Variants in ESRRG observed in about 807,000 individuals in gnomAD.
The protein encoded by ESRRG is estrogen related receptor gamma, also known as estrogen-related receptor gamma.
Under a neutral mutation model 44.0 loss-of-function variants are expected in ESRRG, and 13 were observed. The observed-to-expected ratio is 0.30, with a 90% CI of 0.19 to 0.47. The LOEUF (loss-of-function observed/expected upper bound fraction) is 0.47. ESRRG is among the 20% of genes least tolerant of loss of function. The pLI is 1.00. For missense variants in ESRRG, 395 were observed against 580.6 expected, an observed-to-expected ratio of 0.68 and a Z score of 3.29; for synonymous variants, 215 against 214.6, an observed-to-expected ratio of 1.00 and a Z score of -0.02.
At chr1:216,912,629 CCTA>C (rs1257135283) in intron 2 of ESRRG, among the ~76,000 whole-genome samples, 1 of 152,002 alleles carries the variant, frequency 6.6e-6, no homozygotes, top group African/African-American at 2.4e-5. Context: ...TAAATAAGCA[CCTA>C]CTACATGTTC....
intron 2 of ESRRG, among the ~76,000 whole-genome samples, chr1:216,786,590 A>T (rs1559634494): frequency 6.6e-6 from 1 of 152,150 alleles, no homozygotes; most frequent in Non-Finnish European, 1.5e-5. Context: ...AGCATCAATA[A>T]AGCCACATAT....
intron 2 of ESRRG, among the ~76,000 whole-genome samples, chr1:216,817,513 G>A (rs899218524): frequency 1.3e-5 from 2 of 152,100 alleles, no homozygotes; most frequent in African/African-American, 4.8e-5. Flanking sequence ...TATTATGTGG[G>A]CTGTGTGGAC....
intron 3 of ESRRG, among the ~76,000 whole-genome samples, chr1:216,586,153 T>C (rs770105460): frequency 6.6e-6 from 1 of 152,234 alleles, no homozygotes; most frequent in Non-Finnish European, 1.5e-5. Flanking sequence ...ACCAGAGTAA[T>C]GATTCTGTAA....
At chr1:216,785,360 G>T (rs1049621612) in intron 2 of ESRRG, among the ~76,000 whole-genome samples, 1 of 151,968 alleles carries the variant, frequency 6.6e-6, no homozygotes, top group African/African-American at 2.4e-5. Flanking sequence ...AGCTGAGCAG[G>T]GTGTAGGAAT....
intron 3 of ESRRG, among the ~76,000 whole-genome samples, chr1:216,632,833 C>A (rs775891884): frequency 6.6e-6 from 1 of 151,860 alleles, no homozygotes; most frequent in Non-Finnish European, 1.5e-5. Context: ...TGAGAATCAG[C>A]AATAAATTTG....
chr1:216,666,249 A>AT (rs2073894316), intron 2 of ESRRG, among the ~76,000 whole-genome samples: 1 of 152,268 alleles, frequency 6.6e-6, no homozygotes, highest in East Asian at 1.9e-4. Context: ...CTCATCATTC[A>AT]TTTTTTGTTT....
chr1:216,762,178 C>G (rs964134537), intron 2 of ESRRG, among the ~76,000 whole-genome samples: 3 of 151,978 alleles, frequency 2.0e-5, no homozygotes, highest in Non-Finnish European at 4.4e-5. Context: ...CTAGAAATAC[C>G]ATTTGACCCA....
chr1:216,549,510 A>G (rs1024027372), intron 5 of ESRRG, among the ~76,000 whole-genome samples: 9 of 152,086 alleles, frequency 5.9e-5, no homozygotes, highest in African/African-American at 1.9e-4. Context: ...TTGCCAGGAG[A>G]GCATAATTAG....
intron 2 of ESRRG, among the ~76,000 whole-genome samples, chr1:216,897,349 G>A (rs1427191027): frequency 2.6e-5 from 4 of 152,166 alleles, no homozygotes; most frequent in African/African-American, 9.7e-5. Context: ...ACCTTGTGAA[G>A]TGTTTAAGAT....
chr1:216,771,430 G>C (rs17043767), intron 2 of ESRRG, among the ~76,000 whole-genome samples: 1 of 151,950 alleles, frequency 6.6e-6, no homozygotes, highest in African/African-American at 2.4e-5. Flanking sequence ...AAAATATGTA[G>C]AACAAGGAAG....
intron 3 of ESRRG, among the ~76,000 whole-genome samples, chr1:216,614,783 C>T (rs1302199503): frequency 1.3e-5 from 2 of 152,208 alleles, no homozygotes; most frequent in East Asian, 1.9e-4. Context: ...ATATTTATAC[C>T]GCATTTTCTG....
chr1:216,558,781 C>G (rs1457348628), intron 5 of ESRRG, among the ~76,000 whole-genome samples: 1 of 152,110 alleles, frequency 6.6e-6, no homozygotes, highest in African/African-American at 2.4e-5. Flanking sequence ...ATCACAACTA[C>G]AGGTATACAG....
chr1:217,062,007 A>G (rs11572401), intron 1 of ESRRG, among the ~76,000 whole-genome samples: 547 of 152,276 alleles, frequency 3.6e-3, no homozygotes, highest in Admixed American at 8.4e-3. Context: ...TCTAGTTAAA[A>G]TCAAGCATTC....
intron 1 of ESRRG, among the ~76,000 whole-genome samples, chr1:216,999,939 T>A (rs1293473756): frequency 1.3e-5 from 2 of 152,186 alleles, no homozygotes; most frequent in African/African-American, 4.8e-5. Context: ...TCTGTTCCAA[T>A]TCTCAAACAG....
intron 2 of ESRRG, among the ~76,000 whole-genome samples, chr1:216,912,182 AAAG>A (rs1323289117): frequency 0.031 from 498 of 16,056 alleles, 52 homozygotes; most frequent in East Asian, 0.079. Flanking sequence ...AAAGAAAAGA[AAAG>A]GAGAGGAGAG....
intron 6 of ESRRG, among the ~76,000 whole-genome samples, chr1:216,508,138 A>G (rs1055266417): frequency 3.3e-5 from 5 of 152,220 alleles, no homozygotes; most frequent in South Asian, 4.1e-4. Flanking sequence ...TCTAAGATAT[A>G]TGTAGTTAGC....
At chr1:216,510,610 G>A (rs1044679811) in intron 6 of ESRRG, among the ~76,000 whole-genome samples, 1 of 152,166 alleles carries the variant, frequency 6.6e-6, no homozygotes, top group Non-Finnish European at 1.5e-5. Flanking sequence ...TGTGGGCCAG[G>A]TGCGGTGGCT....
intron 1 of ESRRG, among the ~76,000 whole-genome samples, chr1:217,001,987 C>A (rs549061271): frequency 4.9e-4 from 74 of 150,182 alleles, no homozygotes; most frequent in African/African-American, 1.8e-3. Flanking sequence ...ATAAGTTTGG[C>A]ACCATTATAA....
chr1:216,610,643 A>G (rs2060521393), intron 3 of ESRRG, among the ~76,000 whole-genome samples: 1 of 152,220 alleles, frequency 6.6e-6, no homozygotes, highest in Non-Finnish European at 1.5e-5. Flanking sequence ...CTGTAAGGAT[A>G]TGAGGATAGC....
Sources: gnomAD v4.1 joint callset for allele counts (sites outside exome capture counted in the v4.1 genomes callset) on GRCh38, gnomAD v4.1.1 for gene constraint, MANE v1.5 for transcripts, NCBI Gene and HGNC (gene_info 2026-07-23, HGNC 2026-07-21) for gene names.